Variants in MECOM observed in about 807,000 individuals in gnomAD.
The protein encoded by MECOM is MDS1 and EVI1 complex locus.
MECOM carries 13 observed loss-of-function variants against 116.3 expected under a neutral mutation model. The ratio of observed to expected loss-of-function variants is 0.11; its 90% CI spans 0.07 to 0.18. MECOM has a LOEUF of 0.18. Among genes scored for constraint, MECOM ranks in the 10% least tolerant of loss-of-function variants. The pLI, the probability that MECOM is intolerant of heterozygous loss-of-function variation, is 1.00. For synonymous variants in MECOM, 528 were observed against 535.2 expected (o/e 0.99, Z 0.19); for missense variants, 1,299 against 1,509.0 (o/e 0.86, Z 2.31).
chr3:169,492,534 C>T (rs1753221784), intron 1 of MECOM, among the ~76,000 whole-genome samples: 1 of 152,054 alleles, frequency 6.6e-6, no homozygotes, highest in East Asian at 1.9e-4. Flanking sequence ...GTGTTAAGCG[C>T]AGTCACAAAA....
intron 2 of MECOM, among the ~76,000 whole-genome samples, chr3:169,307,617 C>T (rs769359153): frequency 2.0e-5 from 3 of 152,096 alleles, no homozygotes; most frequent in African/African-American, 7.2e-5. Context: ...TAAGATACAT[C>T]CTTACTTATA....
At chr3:169,188,881 C>T (rs762133502) in intron 2 of MECOM, among the ~76,000 whole-genome samples, 7 of 152,102 alleles carry the variant, frequency 4.6e-5, no homozygotes, top group South Asian at 4.1e-4. Context: ...TCTCTCAAAA[C>T]ATTATGTTAC....
intron 1 of MECOM, among the ~76,000 whole-genome samples, chr3:169,508,202 G>A (rs558345497): frequency 1.7e-3 from 175 of 104,642 alleles, no homozygotes; most frequent in Middle Eastern, 4.4e-3. Context: ...TTTCAAACAT[G>A]GCAGAACCTG....
intron 1 of MECOM, among the ~76,000 whole-genome samples, chr3:169,503,984 T>C (rs1472287970): frequency 6.6e-6 from 1 of 152,130 alleles, no homozygotes; most frequent in Non-Finnish European, 1.5e-5. Flanking sequence ...ATATGTTGAA[T>C]CTCTACTCTA....
At chr3:169,585,364 TTTAATTTCTCTAAAACTCCAGA>T (rs1227961224) in intron 1 of MECOM, among the ~76,000 whole-genome samples, 1 of 152,252 alleles carries the variant, frequency 6.6e-6, no homozygotes, top group Non-Finnish European at 1.5e-5. Context: ...AAGTGTAGCA[TTTAATTTCTCTAAAACTCCAGA>T]GAAAATAATT....
chr3:169,637,615 G>C (rs1772979197), intron 1 of MECOM, among the ~76,000 whole-genome samples: 1 of 152,140 alleles, frequency 6.6e-6, no homozygotes, highest in African/African-American at 2.4e-5. Flanking sequence ...CGGACTGTTG[G>C]AGAATATCAC....
chr3:169,526,584 G>A (rs1757989943), intron 1 of MECOM, among the ~76,000 whole-genome samples: 1 of 152,156 alleles, frequency 6.6e-6, no homozygotes, highest in Non-Finnish European at 1.5e-5. Context: ...TTCTTAAGAT[G>A]AGTAAAGATT....
At chr3:169,368,995 G>A (rs1372790137) in intron 2 of MECOM, among the ~76,000 whole-genome samples, 1 of 151,940 alleles carries the variant, frequency 6.6e-6, no homozygotes, top group African/African-American at 2.4e-5. Flanking sequence ...TTCAAATTCT[G>A]GTTGATCACC....
intron 1 of MECOM, among the ~76,000 whole-genome samples, chr3:169,626,807 T>C (rs1163658584): frequency 2.0e-5 from 3 of 151,958 alleles, no homozygotes; most frequent in Non-Finnish European, 4.4e-5. Context: ...ATGTGAATTT[T>C]AAGGTTTCTT....
chr3:169,566,809 A>G (rs1763302240), intron 1 of MECOM, among the ~76,000 whole-genome samples: 2 of 152,230 alleles, frequency 1.3e-5, no homozygotes, highest in East Asian at 3.8e-4. Flanking sequence ...CTATGCAGGA[A>G]TGAATTCGTG....
At chr3:169,102,894 T>A (rs1387134640) in intron 10 of MECOM, among the ~76,000 whole-genome samples, 3 of 152,016 alleles carry the variant, frequency 2.0e-5, no homozygotes, top group Admixed American at 6.6e-5. Flanking sequence ...CATCATATGT[T>A]AATATAATTT....
chr3:169,426,976 C>T (rs752576274), intron 1 of MECOM, among the ~76,000 whole-genome samples: 1 of 152,090 alleles, frequency 6.6e-6, no homozygotes, highest in Non-Finnish European at 1.5e-5. Flanking sequence ...CAAATGAGGA[C>T]ATTGAAAACC....
chr3:169,573,254 T>C (rs1422999894), intron 1 of MECOM, among the ~76,000 whole-genome samples: 1 of 152,184 alleles, frequency 6.6e-6, no homozygotes, highest in Non-Finnish European at 1.5e-5. Flanking sequence ...GAAACTTCCA[T>C]GCCTTGTTCG....
chr3:169,365,895 G>T (rs928969619), intron 2 of MECOM, among the ~76,000 whole-genome samples: 3 of 152,012 alleles, frequency 2.0e-5, no homozygotes, highest in Non-Finnish European at 4.4e-5. Context: ...TCTAAGGTGT[G>T]TGTTTCTGTT....
At chr3:169,366,830 T>C (rs1044333680) in intron 2 of MECOM, among the ~76,000 whole-genome samples, 1 of 152,118 alleles carries the variant, frequency 6.6e-6, no homozygotes, top group East Asian at 2.0e-4. Flanking sequence ...TCTCAGCCAG[T>C]TGGTAGGAGG....
chr3:169,453,111 G>A (rs758095267), intron 1 of MECOM, among the ~76,000 whole-genome samples: 6 of 152,144 alleles, frequency 3.9e-5, no homozygotes, highest in African/African-American at 9.7e-5. Flanking sequence ...AAGTCACAGA[G>A]AGCCCTCAAT....
intron 8 of MECOM, among the ~76,000 whole-genome samples, chr3:169,113,365 TTC>T (rs201967590): frequency 7.4e-6 from 1 of 135,930 alleles, no homozygotes; most frequent in African/African-American, 3.8e-5. Flanking sequence ...CTCTTTGAGG[TTC>T]TCTCTCTCTC....
chr3:169,564,695 C>G (rs1763020853), intron 1 of MECOM, among the ~76,000 whole-genome samples: 1 of 152,176 alleles, frequency 6.6e-6, no homozygotes, highest in African/African-American at 2.4e-5. Flanking sequence ...ATTTAATTAC[C>G]AAAATCTCCA....
chr3:169,303,024 G>T (rs375386240), intron 2 of MECOM, among the ~76,000 whole-genome samples: 4 of 152,208 alleles, frequency 2.6e-5, no homozygotes, highest in African/African-American at 9.6e-5. Context: ...GAAGAGAGAT[G>T]ACATATACTC....
Sources: allele counts gnomAD v4.1 joint callset (sites outside exome capture counted in the v4.1 genomes callset), GRCh38; gene constraint gnomAD v4.1.1; transcripts MANE v1.5; gene names NCBI Gene and HGNC (gene_info 2026-07-23, HGNC 2026-07-21).